Variants in FNDC3B observed in about 807,000 individuals in gnomAD.
FNDC3B encodes the protein fibronectin type III domain-containing protein 3B.
FNDC3B carries 12 observed loss-of-function variants against 151.5 expected under a neutral mutation model. That is an observed-to-expected ratio of 0.08 (90% CI 0.05 to 0.13). The LOEUF (loss-of-function observed/expected upper bound fraction) is 0.13. Ranked by LOEUF, FNDC3B falls within the 10% of genes least tolerant of loss-of-function variation. The probability of loss-of-function intolerance (pLI) is 1.00; values close to 1 mark genes in which losing one functional copy is unlikely to be tolerated. For missense variants in FNDC3B, 1,214 were observed against 1,505.3 expected, an observed-to-expected ratio of 0.81 and a Z score of 3.20; for synonymous variants, 528 against 549.0, an observed-to-expected ratio of 0.96 and a Z score of 0.54.
chr3:172,136,371 T>TAGCA (rs1212675392), intron 3 of FNDC3B, among the ~76,000 whole-genome samples: 4 of 152,150 alleles, frequency 2.6e-5, no homozygotes, highest in Non-Finnish European at 5.9e-5. Context: ...GCAGACAGTG[T>TAGCA]GATGCAGGGA....
At chr3:172,094,893 G>T (rs147047935) in intron 1 of FNDC3B, among the ~76,000 whole-genome samples, 227 of 151,886 alleles carry the variant, frequency 1.5e-3, no homozygotes, top group African/African-American at 5.3e-3. Context: ...GGACAGAAGG[G>T]ACATGACAGG....
intron 22 of FNDC3B, among the ~76,000 whole-genome samples, chr3:172,359,999 T>C (rs1425631615): frequency 6.6e-6 from 1 of 152,142 alleles, no homozygotes; most frequent in Non-Finnish European, 1.5e-5. Context: ...AAATATTAAT[T>C]TTTCTAGAGT....
intron 8 of FNDC3B, among the ~76,000 whole-genome samples, chr3:172,296,697 C>T (rs894892564): frequency 2.2e-5 from 3 of 138,532 alleles, no homozygotes; most frequent in African/African-American, 8.2e-5. Context: ...TAAAGAAATA[C>T]AGAGTGCCAT....
At chr3:172,144,775 T>A (rs1362918996) in intron 3 of FNDC3B, among the ~76,000 whole-genome samples, 1 of 151,988 alleles carries the variant, frequency 6.6e-6, no homozygotes, top group Admixed American at 6.6e-5. Context: ...CTGAAGAGGG[T>A]TTTCAGTGTC....
At chr3:172,071,579 A>AT (rs969245977) in intron 1 of FNDC3B, among the ~76,000 whole-genome samples, 21 of 151,836 alleles carry the variant, frequency 1.4e-4, no homozygotes, top group South Asian at 6.2e-4. Flanking sequence ...ATCAGAATTA[A>AT]TTTTTTTTTA....
Position 172,400,488 on chromosome 3 carries a change from A to G in FNDC3B, c.*3013A>G, listed in dbSNP as rs186485491. On this transcript the variant is annotated 3_prime_UTR_variant, in exon 26 of 26. Coordinates refer to ENST00000415807, the MANE Select transcript of FNDC3B (RefSeq NM_022763.4). ...AATGTTTTACCTCACTGTTGGACAT[A>G]CATTCCAAGCTTTTCAACTCTAGGA... 2.0e-5 allele frequency: 3 copies of G among 152,790 alleles called. No homozygotes were observed. 9.5% of individuals were successfully genotyped at this position (152,790 alleles called of 1,614,324 possible).
chr3:172,297,456 C>A (rs1011260864), intron 8 of FNDC3B, among the ~76,000 whole-genome samples: 1 of 151,974 alleles, frequency 6.6e-6, no homozygotes, highest in Non-Finnish European at 1.5e-5. Context: ...TCTTTCTGTC[C>A]TCAATCCACA....
intron 1 of FNDC3B, chr3:172,046,777 T>G (rs181163414): frequency 1.3e-5 from 2 of 152,334 alleles, no homozygotes; most frequent in Admixed American, 1.3e-4. Flanking sequence ...AATGATTCTA[T>G]TTGAGCTTAA....
intron 6 of FNDC3B, among the ~76,000 whole-genome samples, chr3:172,267,873 AATAG>A (rs1241487703): frequency 6.6e-6 from 1 of 152,222 alleles, no homozygotes; most frequent in Non-Finnish European, 1.5e-5. Context: ...CTAATGTTAT[AATAG>A]ATTGATTAGA....
At chr3:172,219,822 A>G (rs560357865) in intron 3 of FNDC3B, among the ~76,000 whole-genome samples, 1 of 152,274 alleles carries the variant, frequency 6.6e-6, no homozygotes, top group South Asian at 2.1e-4. Flanking sequence ...GTAGTATTCT[A>G]TGGTTTGTAC....
chr3:172,042,342 C>T (rs959915888), intron 1 of FNDC3B, among the ~76,000 whole-genome samples: 20 of 152,188 alleles, frequency 1.3e-4, no homozygotes, highest in Non-Finnish European at 1.5e-5. Context: ...TAGCAGTTCA[C>T]TCAGTAGGAG....
chr3:172,376,812 A>G (rs1735166384), intron 23 of FNDC3B, among the ~76,000 whole-genome samples: 1 of 151,658 alleles, frequency 6.6e-6, no homozygotes, highest in Non-Finnish European at 1.5e-5. Context: ...ACACACGTGG[A>G]TATTTTAAAG....
intron 6 of FNDC3B, among the ~76,000 whole-genome samples, chr3:172,271,983 G>C (rs914529104): frequency 2.0e-5 from 3 of 152,210 alleles, no homozygotes; most frequent in Admixed American, 6.5e-5. Flanking sequence ...TGTGTGAATA[G>C]GAAACACATC....
intron 6 of FNDC3B, among the ~76,000 whole-genome samples, chr3:172,257,839 A>G (rs1432974080): frequency 1.3e-5 from 2 of 152,054 alleles, no homozygotes; most frequent in Non-Finnish European, 2.9e-5. Flanking sequence ...CCACCAATCT[A>G]TGTTTCATCA....
chr3:172,048,593 C>T (rs1716478296), intron 1 of FNDC3B, among the ~76,000 whole-genome samples: 1 of 152,140 alleles, frequency 6.6e-6, no homozygotes, highest in Admixed American at 6.5e-5. Flanking sequence ...TTCAGCAATT[C>T]CATTCCTATT....
intron 1 of FNDC3B, among the ~76,000 whole-genome samples, chr3:172,098,492 T>C (rs1412591858): frequency 1.3e-5 from 2 of 152,218 alleles, no homozygotes; most frequent in Admixed American, 1.3e-4. Flanking sequence ...AATCGGTATT[T>C]AAGGAATCAG....
At chr3:172,332,957 TGCGG>T in intron 13 of FNDC3B, 128 bp from the exon 14 acceptor site, 1 of 729,014 alleles carries the variant, frequency 1.4e-6, no homozygotes, top group Non-Finnish European at 2.5e-6. Context: ...TTTTCTCTTT[TGCGG>T]TAGCTGCCAG....
intron 6 of FNDC3B, among the ~76,000 whole-genome samples, chr3:172,272,159 C>T (rs1022600958): frequency 6.6e-6 from 1 of 152,094 alleles, no homozygotes; most frequent in Admixed American, 6.6e-5. Flanking sequence ...TCTCAAAAGT[C>T]AGAAATAAAT....
chr3:172,189,441 G>A (rs1441248896), intron 3 of FNDC3B, among the ~76,000 whole-genome samples: 1 of 152,150 alleles, frequency 6.6e-6, no homozygotes, highest in Non-Finnish European at 1.5e-5. Context: ...TGGCAACGAG[G>A]TAGTCTGTTC....
Sources: gnomAD v4.1 joint callset for allele counts (sites outside exome capture counted in the v4.1 genomes callset) on GRCh38, gnomAD v4.1.1 for gene constraint, MANE v1.5 for transcripts, NCBI Gene and HGNC (gene_info 2026-07-23, HGNC 2026-07-21) for gene names.